The following TAFA5 variants were observed in gnomAD, a reference collection of about 807,000 sequenced individuals.
The protein encoded by TAFA5 is chemokine-like protein TAFA-5.
TAFA5 carries 6 observed loss-of-function variants against 15.3 expected under a neutral mutation model. That is an observed-to-expected ratio of 0.39 (90% CI 0.21 to 0.77). The LOEUF is 0.77. Among genes scored for constraint, TAFA5 ranks in the 30% least tolerant of loss-of-function variants. The probability of loss-of-function intolerance (pLI) is 0.41; values close to 1 mark genes in which losing one functional copy is unlikely to be tolerated. For missense variants in TAFA5, 161 were observed against 193.1 expected (o/e 0.83, Z 0.98); for synonymous variants, 103 against 80.7 (o/e 1.28, Z -1.48).
At chr22:48,514,096 A>T (rs1393545594) in intron 1 of TAFA5, among the ~76,000 whole-genome samples, 1 of 152,098 alleles carries the variant, frequency 6.6e-6, no homozygotes, top group Non-Finnish European at 1.5e-5. Flanking sequence ...CAGTGCCTGG[A>T]AGGAGGTCAA....
rs1262240681 is a variant in TAFA5 at position 48,598,449 on chromosome 22, G to T, written c.113-48148G>T. On this transcript the variant is annotated intron_variant, in intron 1 of 3. Coordinates refer to ENST00000402357, the MANE Select transcript of TAFA5 (RefSeq NM_001082967.3). This position sits in a 1 kb window ranked among gnomAD's most constrained non-coding sequence, Gnocchi z 4.0. ...TCGTGCTTAGTGTTTATGGCGTGGG[G>T]CTGAGGGAGACCACACAGGAAGGGA... Among the ~76,000 whole-genome samples the T allele has an allele frequency of 2.0e-5, 3 of 152,136 alleles. No homozygotes were observed. The highest frequency in any genetic ancestry group is 4.4e-5 in the Non-Finnish European group (3 of 68,038).
chr22:48,689,092 G>T (rs1435306197), intron 2 of TAFA5, among the ~76,000 whole-genome samples: 1 of 152,064 alleles, frequency 6.6e-6, no homozygotes, highest in African/African-American at 2.4e-5. Context: ...CCTTGGTGTG[G>T]GTCCCTCCAG....
intron 1 of TAFA5, among the ~76,000 whole-genome samples, chr22:48,575,304 C>T (rs1262532670): frequency 6.6e-6 from 1 of 151,712 alleles, no homozygotes; most frequent in African/African-American, 2.4e-5. Flanking sequence ...CGCCGGCGCG[C>T]CAGGCGGGGG....
chr22:48,634,675 ACT>A, intron 1 of TAFA5, among the ~76,000 whole-genome samples: 1 of 142,518 alleles, frequency 7.0e-6, no homozygotes, highest in Non-Finnish European at 1.6e-5. Flanking sequence ...TCACTGAGTC[ACT>A]CAGTCAATCA....
rs74847980 is a variant in TAFA5, at chr22:48,664,654, C to T, written c.262+17908C>T. On this transcript the variant is annotated intron_variant, in intron 2 of 3. Coordinates refer to ENST00000402357, the MANE Select transcript of TAFA5 (RefSeq NM_001082967.3). ...CTCACCAGAGCCCTAACTTCTGTCA[C>T]TGCAGGTTTGCCTGTTTCAGAACCT... Among the ~76,000 whole-genome samples the T allele has an allele frequency of 9.2e-3, 1,402 of 152,310 alleles. 23 individuals carry two copies. The highest frequency in any genetic ancestry group is 0.032 in the African/African-American group (1,341 of 41,562).
chr22:48,716,884 A>G (rs889637882), intron 3 of TAFA5, among the ~76,000 whole-genome samples: 7 of 152,202 alleles, frequency 4.6e-5, no homozygotes, highest in African/African-American at 1.7e-4. Flanking sequence ...CTCAGAAAGC[A>G]GAGAGTGGAA....
At chr22:48,673,352 C>G (rs1417328756) in intron 2 of TAFA5, among the ~76,000 whole-genome samples, 2 of 152,190 alleles carry the variant, frequency 1.3e-5, no homozygotes, top group Non-Finnish European at 2.9e-5. Context: ...TCAGCTCGCT[C>G]CTCTCTGTGC....
chr22:48,673,126 G>A (rs115807224), intron 2 of TAFA5, among the ~76,000 whole-genome samples: 5 of 152,076 alleles, frequency 3.3e-5, no homozygotes, highest in Non-Finnish European at 5.9e-5. Context: ...AGAAGATATC[G>A]GTCTCGTTGT....
At chr22:48,725,777 G>A in intron 3 of TAFA5, among the ~76,000 whole-genome samples, 1 of 151,758 alleles carries the variant, frequency 6.6e-6, no homozygotes, top group East Asian at 1.9e-4. Flanking sequence ...AGAGAAGTTG[G>A]TAGATCTGGA....
chr22:48,506,861 A>G (rs1225643938), intron 1 of TAFA5, among the ~76,000 whole-genome samples: 1 of 152,144 alleles, frequency 6.6e-6, no homozygotes, highest in Non-Finnish European at 1.5e-5. Context: ...TCCCTGGCAC[A>G]CAGGCAGGGC....
intron 2 of TAFA5, among the ~76,000 whole-genome samples, chr22:48,651,440 G>T (rs1927050026): frequency 6.6e-6 from 1 of 152,222 alleles, no homozygotes; most frequent in Non-Finnish European, 1.5e-5. Context: ...GTTGGGTGGA[G>T]CCTTATATTC....
rs376670876 is a variant in TAFA5, at chr22:48,710,900, T to G, written c.390+3056T>G. ...CTGCGGCTGGGTGAGCTGGAGTGAC[T>G]GCTGGTGGCCAGGTGTACAGAAGTC... On this transcript the variant is annotated intron_variant, in intron 3 of 3. Coordinates refer to ENST00000402357, the MANE Select transcript of TAFA5 (RefSeq NM_001082967.3). Among the ~76,000 whole-genome samples the G allele has an allele frequency of 4.8e-4, 73 of 152,318 alleles. 2 individuals are homozygous for G. In the South Asian group the frequency reaches 0.015, roughly 32 times the overall value.
intron 2 of TAFA5, among the ~76,000 whole-genome samples, chr22:48,677,322 G>A (rs1415252254): frequency 6.6e-6 from 1 of 152,242 alleles, no homozygotes; most frequent in African/African-American, 2.4e-5. Context: ...TGGTCATCAC[G>A]CCTTGGCTCG....
At chr22:48,572,718 G>T (rs1054408060) in intron 1 of TAFA5, among the ~76,000 whole-genome samples, 3 of 152,130 alleles carry the variant, frequency 2.0e-5, no homozygotes, top group African/African-American at 7.2e-5. Flanking sequence ...CATGCAGTTA[G>T]CAAATGGTAA....
chr22:48,517,666 C>T (rs1460556934), intron 1 of TAFA5, among the ~76,000 whole-genome samples: 1 of 152,136 alleles, frequency 6.6e-6, no homozygotes, highest in Non-Finnish European at 1.5e-5. Flanking sequence ...GTCCTGGTGA[C>T]AGTCAGCCCC....
At chr22:48,499,206 C>T (rs557646369) in intron 1 of TAFA5, among the ~76,000 whole-genome samples, 12 of 152,312 alleles carry the variant, frequency 7.9e-5, no homozygotes, top group South Asian at 4.1e-4. Flanking sequence ...TTAATTTCTC[C>T]GCATTTCACA....
intron 1 of TAFA5, among the ~76,000 whole-genome samples, chr22:48,620,601 A>ACCCACCCTATCCACCCACCCACCATCC (rs1925767627): frequency 6.0e-5 from 1 of 16,776 alleles, no homozygotes; most frequent in African/African-American, 2.9e-4. Context: ...CCACCCCCCT[A>ACCCACCCTATCCACCCACCCACCATCC]CCCATCCTAT....
chr22:48,534,448 A>G (rs1253803623), intron 1 of TAFA5, among the ~76,000 whole-genome samples: 1 of 152,056 alleles, frequency 6.6e-6, no homozygotes, highest in African/African-American at 2.4e-5. Flanking sequence ...TCTAGGACTG[A>G]GGAGTGTGGA....
In TAFA5 at chr22:48,490,770, A is replaced by G. The variant is rs1928122372; in HGVS notation, c.112+1066A>G. ...CGCGGGAGGTGATGGAAAAATATGG[A>G]TTCTTTACAAAAAAAAAAAAAAAAG... On this transcript the variant is annotated intron_variant, in intron 1 of 3. Coordinates refer to ENST00000402357, the MANE Select transcript of TAFA5 (RefSeq NM_001082967.3). This position sits in a 1 kb window ranked among gnomAD's most constrained non-coding sequence, Gnocchi z 5.8. Among the ~76,000 whole-genome samples the G allele has an allele frequency of 1.1e-5, 1 of 93,820 alleles. No homozygotes were observed. The highest frequency in any genetic ancestry group is 1.1e-4 in the Admixed American group (1 of 9,048). 61.5% of individuals were successfully genotyped at this position (93,820 alleles called of 152,430 possible).
Sources: allele counts gnomAD v4.1 joint callset (sites outside exome capture counted in the v4.1 genomes callset), GRCh38; gene constraint gnomAD v4.1.1; non-coding constraint Gnocchi (gnomAD v3.1); transcripts MANE v1.5; gene names NCBI Gene and HGNC (gene_info 2026-07-23, HGNC 2026-07-21).